CDC14B: variants seen among roughly 807,000 people sequenced by gnomAD.
CDC14B encodes the protein cell division cycle 14B, also known as dual specificity protein phosphatase CDC14B.
Under a neutral mutation model 64.2 loss-of-function variants are expected in CDC14B, and 22 were observed. The ratio of observed to expected loss-of-function variants is 0.34; its 90% confidence interval spans 0.24 to 0.49. The LOEUF is 0.49. CDC14B is among the 20% of genes least tolerant of loss of function. The pLI is 0.99. For missense variants in CDC14B, 498 were observed against 629.9 expected, an observed-to-expected ratio of 0.79 and a Z score of 2.24; for synonymous variants, 191 against 215.8, an observed-to-expected ratio of 0.89 and a Z score of 1.01.
intron 1 of CDC14B, among the ~76,000 whole-genome samples, chr9:96,574,886 C>T (rs901711865): frequency 1.3e-5 from 2 of 152,100 alleles, no homozygotes; most frequent in Non-Finnish European, 2.9e-5. Flanking sequence ...CCAATAAATA[C>T]GTGAGCACAG....
chr9:96,572,556 T>G (rs1390603295), intron 1 of CDC14B, among the ~76,000 whole-genome samples: 1 of 151,698 alleles, frequency 6.6e-6, no homozygotes, highest in Non-Finnish European at 1.5e-5. Flanking sequence ...ACCTAAGAGA[T>G]AAAAAATCTA....
intron 5 of CDC14B, among the ~76,000 whole-genome samples, chr9:96,549,073 CTA>C (rs1297561946): frequency 6.6e-6 from 1 of 152,070 alleles, no homozygotes; most frequent in African/African-American, 2.4e-5. Flanking sequence ...CTATAGAACA[CTA>C]TGTGAAGAAG....
intron 8 of CDC14B, 137 bp downstream of exon 8, chr9:96,534,318 G>T: frequency 2.6e-6 from 2 of 779,148 alleles, no homozygotes; most frequent in Non-Finnish European, 4.2e-6. Flanking sequence ...AATCCAGTCA[G>T]AATGATCTAC....
At chr9:96,595,230 T>C (rs1484888551) in intron 1 of CDC14B, among the ~76,000 whole-genome samples, 1 of 152,218 alleles carries the variant, frequency 6.6e-6, no homozygotes, top group Non-Finnish European at 1.5e-5. Context: ...GACCTGAAAG[T>C]ATCAGACTGT....
intron 13 of CDC14B, among the ~76,000 whole-genome samples, chr9:96,504,820 G>C (rs1833903362): frequency 6.6e-6 from 1 of 152,156 alleles, no homozygotes; most frequent in South Asian, 2.1e-4. Context: ...GAAGAAGTTA[G>C]AGGTCCTAGA....
chr9:96,615,262 G>A lies in CDC14B; in HGVS notation c.160+3957C>T, dbSNP rs1232187848. 3.3e-5 allele frequency among the ~76,000 whole-genome samples: 5 copies of A among 152,182 alleles called. No individual in the cohort carries two copies. The East Asian group carries it at 5.8e-4, about 18-fold the overall frequency. On this transcript the variant is annotated intron_variant, in intron 1 of 13. Transcript: ENST00000375241. ...AGGTGAATGAATGGCTCCGTGAGAG[G>A]TGGATGGGGTTGGAATGAGAGTTAA...
Position 96,565,424 on chromosome 9 carries a change from A to C in CDC14B, c.220T>G (p.Phe74Val), listed in dbSNP as rs766030038. 3.7e-6 allele frequency: 6 copies of C among 1,608,378 alleles called. No individual in the cohort carries two copies. Among genetic ancestry groups the C allele is most frequent in the Middle Eastern group, 1.7e-4 (1 of 6,048 alleles). The change falls in exon 2 of 14, where the codon TTC (phenylalanine) becomes GTC (valine). Residue 74 changes from phenylalanine to valine, a missense_variant. Phe to Val is a conservative substitution (Grantham distance 50). Coordinates refer to ENST00000375241, the MANE Select transcript of CDC14B (RefSeq NM_033331.4). ...TATTCAAGTTCATTATCTATGCTGA[A>C]ATAATGTACATTTGATGCACTCTTT... is the stretch of plus-strand genomic sequence containing the variant. ...RPKSASNVHY[F>V]SIDNELEYEN...
intron 4 of CDC14B, among the ~76,000 whole-genome samples, chr9:96,556,966 C>G (rs571250396): frequency 1.3e-5 from 2 of 152,282 alleles, no homozygotes; most frequent in East Asian, 3.9e-4. Flanking sequence ...AGGAACCCAT[C>G]CTATCTAAAA....
intron 5 of CDC14B, among the ~76,000 whole-genome samples, chr9:96,550,756 G>C (rs902072725): frequency 6.6e-6 from 1 of 152,012 alleles, no homozygotes; most frequent in East Asian, 1.9e-4. Context: ...TTTGATAAAC[G>C]AGCAGAAAAA....
Position 96,509,666 on chromosome 9 carries a change from T to C in CDC14B, c.1460+7A>G, listed in dbSNP as rs1341943615. 6.5e-7 allele frequency: 1 copy of C among 1,542,198 alleles called. No individual in the cohort carries two copies. The highest frequency in any genetic ancestry group is 9.0e-7 in the Non-Finnish European group (1 of 1,114,984). ...AACTTTTCAGAAGAGTAGGATTCTT[T>C]TCTCACCTTTTAACACTGCTTTTCC... On this transcript the variant is annotated splice_region_variant and intron_variant, in intron 13 of 13. Coordinates refer to ENST00000375241, the MANE Select transcript of CDC14B (RefSeq NM_033331.4).
At chr9:96,525,435 C>T (rs533612604) in intron 9 of CDC14B, among the ~76,000 whole-genome samples, 5 of 152,172 alleles carry the variant, frequency 3.3e-5, no homozygotes, top group East Asian at 1.9e-4. Flanking sequence ...CCACTGCCAC[C>T]GAGACACAGA....
In CDC14B at chr9:96,541,865, G is replaced by A; in HGVS notation, c.525C>T (p.Phe175=). ...FRDAAYGSCN[F]YITLLDCFHA... is the part of the protein sequence containing the mutation. ...GAAAACAGTCAAGAAGTGTAATGTAGAAATTGCAACTTCCATAGGCAGCAT... is the reference window on the plus strand; with the variant it reads ...GAAAACAGTCAAGAAGTGTAATGTAAAAATTGCAACTTCCATAGGCAGCAT... Residue 175 remains phenylalanine (F), a synonymous_variant, in exon 6 of 14, where the codon TTC becomes TTT. Transcript: ENST00000375241. The A allele has an allele frequency of 1.2e-6, 2 of 1,609,250 alleles. No individual in the cohort carries two copies. Among genetic ancestry groups the A allele is most frequent in the South Asian group, 2.2e-5 (2 of 90,262 alleles).
At chr9:96,588,918 T>C (rs1416033229) in intron 1 of CDC14B, among the ~76,000 whole-genome samples, 1 of 152,234 alleles carries the variant, frequency 6.6e-6, no homozygotes, top group East Asian at 1.9e-4. Context: ...AGCTTGTAAC[T>C]ATGAAGTAGA....
chr9:96,564,954 A>T, intron 2 of CDC14B, 102 bp from the exon 3 acceptor site: 1 of 705,508 alleles, frequency 1.4e-6, no homozygotes. Flanking sequence ...GCAAGCATAT[A>T]CCAAATTGTT....
In CDC14B at chr9:96,534,128, T is replaced by C. The variant is rs1027303412; in HGVS notation, c.745A>G (p.Ile249Val). The change falls in exon 9 of 14, where the codon ATT becomes GTT. Residue 249 changes from isoleucine to valine, a missense_variant. Coordinates refer to ENST00000375241, the MANE Select transcript of CDC14B (RefSeq NM_033331.4). ...ACATTGTGATTCTTAAAATATTGAA[T>C]ATAAGTCTCAGGAGAATGTTGGTGG... ...GYHQHSPETY[I>V]QYFKNHNVTT... 3 of 1,608,208 alleles carry C rather than the reference T, an allele frequency of 1.9e-6. No homozygotes were observed. Among genetic ancestry groups the C allele is most frequent in the African/African-American group, 2.7e-5 (2 of 74,750 alleles).
At chr9:96,525,436 G>C (rs770434612) in intron 9 of CDC14B, among the ~76,000 whole-genome samples, 1 of 151,990 alleles carries the variant, frequency 6.6e-6, no homozygotes. Context: ...CACTGCCACC[G>C]AGACACAGAG....
At chr9:96,528,332 G>A (rs1013549485) in intron 9 of CDC14B, among the ~76,000 whole-genome samples, 11 of 152,074 alleles carry the variant, frequency 7.2e-5, no homozygotes, top group Non-Finnish European at 7.4e-5. Context: ...GACCAGCCTG[G>A]CCAACATGGT....
intron 1 of CDC14B, among the ~76,000 whole-genome samples, chr9:96,596,698 A>C (rs1180327331): frequency 6.6e-6 from 1 of 151,978 alleles, no homozygotes; most frequent in African/African-American, 2.4e-5. Flanking sequence ...CTGTCTCTAC[A>C]AAAAATACAA....
At chr9:96,589,294 G>A (rs936503563) in intron 1 of CDC14B, among the ~76,000 whole-genome samples, 1 of 151,376 alleles carries the variant, frequency 6.6e-6, no homozygotes, top group African/African-American at 2.4e-5. Context: ...AGCTGAGATT[G>A]CGCCATTGCA....
Sources: gnomAD v4.1 joint callset for allele counts (sites outside exome capture counted in the v4.1 genomes callset) on GRCh38, gnomAD v4.1.1 for gene constraint, MANE v1.5 for transcripts, NCBI Gene and HGNC (gene_info 2026-07-23, HGNC 2026-07-21) for gene names.